The following SMG6 variants were observed in gnomAD, a reference collection of about 807,000 sequenced individuals.
SMG6 encodes telomerase-binding protein EST1A.
Under a neutral mutation model 142.2 loss-of-function variants are expected in SMG6, and 66 were observed. The observed-to-expected ratio is 0.46, with a 90% CI of 0.38 to 0.57. SMG6 has a LOEUF of 0.57. Among genes scored for constraint, SMG6 ranks in the 20% least tolerant of loss-of-function variants. The probability of loss-of-function intolerance (pLI) is 0.00; values close to 1 mark genes in which losing one functional copy is unlikely to be tolerated. For missense variants in SMG6, 1,793 were observed against 1,832.0 expected (o/e 0.98, Z 0.39); for synonymous variants, 779 against 702.4 (o/e 1.11, Z -1.72).
chr17:2,197,897 T>TAGCA, intron 10 of SMG6, among the ~76,000 whole-genome samples: 1 of 152,224 alleles, frequency 6.6e-6, no homozygotes, highest in Non-Finnish European at 1.5e-5. Context: ...TAAAATGGTA[T>TAGCA]AGCTGCTCTG....
intron 13 of SMG6, among the ~76,000 whole-genome samples, chr17:2,155,545 G>C (rs753039083): frequency 6.6e-6 from 1 of 152,148 alleles, no homozygotes; most frequent in African/African-American, 2.4e-5. Context: ...GAGCAAGTAG[G>C]TTCCATGGAA....
intron 14 of SMG6, chr17:2,082,162 T>A (rs2068443181): frequency 5.2e-6 from 3 of 579,766 alleles, no homozygotes; most frequent in Non-Finnish European, 9.2e-6. Context: ...CTGCTCTCTT[T>A]TATACTCTGG....
At position 2,292,648 on chromosome 17, in the gene SMG6, G is replaced by A. The variant is rs375295636; in HGVS notation, c.2259-18C>T. 113 of 1,612,122 alleles carry A rather than the reference G, an allele frequency of 7.0e-5. No homozygotes were observed. The African/African-American group carries it at 1.1e-3, about 16-fold the overall frequency. On this transcript the variant is annotated intron_variant, in intron 5 of 18. Coordinates refer to ENST00000263073, the MANE Select transcript of SMG6 (RefSeq NM_017575.5). The stretch of plus-strand genomic sequence containing the variant: ...GGTACCAACTAGAACAGAAAAAACA[G>A]TAAGAAAATGCTAGTTCCAGATTAG...
chr17:2,242,825 C>T (rs1243697104), intron 9 of SMG6, among the ~76,000 whole-genome samples: 1 of 151,918 alleles, frequency 6.6e-6, no homozygotes, highest in African/African-American at 2.4e-5. Context: ...TCATCTTATC[C>T]ACCTTCAACC....
intron 8 of SMG6, among the ~76,000 whole-genome samples, chr17:2,253,119 T>TTTTATTTATTTATTTA (rs10528623): frequency 3.5e-3 from 452 of 130,680 alleles, no homozygotes; most frequent in Middle Eastern, 0.011. Flanking sequence ...AAATATTTTA[T>TTTTATTTATTTATTTA]TTTATTTATT....
intron 10 of SMG6, among the ~76,000 whole-genome samples, chr17:2,211,373 G>A (rs1331237096): frequency 6.6e-6 from 1 of 152,048 alleles, no homozygotes; most frequent in Non-Finnish European, 1.5e-5. Flanking sequence ...TAACAAAAAG[G>A]TGTTATTTGG....
intron 5 of SMG6, 74 bp from the exon 6 acceptor site, chr17:2,292,704 T>C: frequency 3.2e-6 from 5 of 1,552,370 alleles, no homozygotes; most frequent in Non-Finnish European, 4.4e-6. Flanking sequence ...ATAGCCCTAA[T>C]ACTTAAAACA....
At chr17:2,153,308 T>C (rs1319883476) in intron 13 of SMG6, among the ~76,000 whole-genome samples, 1 of 152,178 alleles carries the variant, frequency 6.6e-6, no homozygotes, top group African/African-American at 2.4e-5. Context: ...TATTTATACG[T>C]CATTCTGGAA....
Position 2,299,347 on chromosome 17 carries a change from G to A in SMG6, c.1406C>T (p.Thr469Ile). 1 of 1,614,052 alleles carries A rather than the reference G, an allele frequency of 6.2e-7. No homozygotes were observed. The highest frequency in any genetic ancestry group is 1.1e-5 in the South Asian group (1 of 91,078). The change falls in exon 2 of 19, where the codon ACT (threonine) becomes ATT (isoleucine). Residue 469 changes from threonine to isoleucine, a missense_variant. Around this residue, in one of 3 missense-constraint regions of SMG6, gnomAD observed 1,597 missense variants for 1,584.6 expected, o/e 1.01. Transcript: ENST00000263073. This position sits in a 1 kb window ranked among gnomAD's most constrained non-coding sequence, Gnocchi z 4.3. ...CAAGAAATGTAGCTGGGGCGTCTGA[G>A]TCTTTAGAGCAGGTTTCTGATCAGG... is the stretch of plus-strand genomic sequence containing the variant. ...NNPDQKPALKTQTPQLHFLDT... is the reference protein window; with the variant it reads ...NNPDQKPALKIQTPQLHFLDT...
intron 6 of SMG6, among the ~76,000 whole-genome samples, chr17:2,291,642 C>T: frequency 9.7e-6 from 1 of 103,538 alleles, no homozygotes; most frequent in Non-Finnish European, 2.4e-5. Context: ...GAGGCTGAGG[C>T]TGGAGGATCA....
At chr17:2,079,587 G>A (rs1567579942) in intron 15 of SMG6, among the ~76,000 whole-genome samples, 2 of 151,226 alleles carry the variant, frequency 1.3e-5, no homozygotes, top group Admixed American at 1.3e-4. Context: ...AGTGAGCTGA[G>A]ATCACGACAG....
intron 10 of SMG6, among the ~76,000 whole-genome samples, chr17:2,229,782 T>C (rs2073418179): frequency 1.3e-5 from 2 of 152,060 alleles, no homozygotes; most frequent in African/African-American, 2.4e-5. Context: ...CCCTAGAACA[T>C]ACCTACTTTC....
intron 13 of SMG6, among the ~76,000 whole-genome samples, chr17:2,102,356 A>C (rs529248144): frequency 6.6e-6 from 1 of 151,904 alleles, no homozygotes; most frequent in East Asian, 1.9e-4. Flanking sequence ...TTTACTCTTA[A>C]AGGAATTTTT....
chr17:2,167,202 A>G (rs983503126), intron 13 of SMG6, among the ~76,000 whole-genome samples: 1 of 148,186 alleles, frequency 6.7e-6, no homozygotes, highest in African/African-American at 2.5e-5. Context: ...AATAAAGGTT[A>G]TAAGATATAA....
intron 13 of SMG6, among the ~76,000 whole-genome samples, chr17:2,112,236 G>A (rs1410531352): frequency 6.6e-6 from 1 of 151,882 alleles, no homozygotes; most frequent in Non-Finnish European, 1.5e-5. Flanking sequence ...CGGGCGCGGT[G>A]GCTCACGCCT....
chr17:2,276,392 C>T (rs902127036), intron 8 of SMG6, among the ~76,000 whole-genome samples: 2 of 151,908 alleles, frequency 1.3e-5, no homozygotes, highest in African/African-American at 4.8e-5. Flanking sequence ...GTCCAGCAAA[C>T]GTTTTTTTTT....
chr17:2,105,345 A>G (rs887928391), intron 13 of SMG6, among the ~76,000 whole-genome samples: 1 of 151,742 alleles, frequency 6.6e-6, no homozygotes, highest in Non-Finnish European at 1.5e-5. Context: ...CAGGAGTTTG[A>G]GACCAGCCTG....
intron 13 of SMG6, among the ~76,000 whole-genome samples, chr17:2,089,193 T>C (rs2068646681): frequency 6.6e-6 from 1 of 152,090 alleles, no homozygotes; most frequent in South Asian, 2.1e-4. Flanking sequence ...TCTATATCAA[T>C]GAAAACCAGA....
At chr17:2,292,810 T>C (rs771743117) in intron 5 of SMG6, 61 bp downstream of exon 5, 22 of 1,502,456 alleles carry the variant, frequency 1.5e-5, no homozygotes, top group Non-Finnish European at 2.0e-5. Flanking sequence ...CTACTGCTCT[T>C]AGTAAGGCTT....
Sources: gnomAD v4.1 joint callset for allele counts (sites outside exome capture counted in the v4.1 genomes callset) on GRCh38, gnomAD v4.1.1 for gene constraint, gnomAD v4.1.1 regional missense constraint, Gnocchi (gnomAD v3.1) non-coding constraint, MANE v1.5 for transcripts, NCBI Gene and HGNC (gene_info 2026-07-23, HGNC 2026-07-21) for gene names.